Variants in HSH2D observed in about 807,000 individuals in gnomAD.
HSH2D encodes the protein hematopoietic SH2 domain-containing protein.
HSH2D carries 16 observed loss-of-function variants against 21.5 expected under a neutral mutation model. The ratio of observed to expected loss-of-function variants is 0.74; its 90% CI spans 0.50 to 1.13. The LOEUF is 1.13. HSH2D is among the 50% of genes most tolerant of loss of function. HSH2D has a pLI of 0.00. For synonymous variants in HSH2D, 172 were observed against 184.7 expected, an observed-to-expected ratio of 0.93 and a Z score of 0.56; for missense variants, 418 against 441.4, an observed-to-expected ratio of 0.95 and a Z score of 0.47.
chr19:16,145,814 G>A (rs912868250), intron 1 of HSH2D, among the ~76,000 whole-genome samples: 8 of 152,228 alleles, frequency 5.3e-5, no homozygotes, highest in South Asian at 2.1e-4. Flanking sequence ...AGTGGCTCAC[G>A]CCTGTAATCC....
At chr19:16,152,183 C>G (rs1466725987) in intron 2 of HSH2D, among the ~76,000 whole-genome samples, 1 of 149,276 alleles carries the variant, frequency 6.7e-6, no homozygotes, top group Non-Finnish European at 1.5e-5. Context: ...TTTGGGAGGC[C>G]GAGGTGGGCG....
intron 1 of HSH2D, among the ~76,000 whole-genome samples, chr19:16,144,151 T>C (rs1320360398): frequency 6.6e-6 from 1 of 151,946 alleles, no homozygotes; most frequent in Admixed American, 6.6e-5. Context: ...CAAAGACCCT[T>C]GCACCCTCCT....
chr19:16,154,481 C>T lies in HSH2D; in HGVS notation c.464C>T (p.Ala155Val), dbSNP rs892920227. 1.3e-6 allele frequency: 2 copies of T among 1,550,650 alleles called. No individual in the cohort carries two copies. The highest frequency in any genetic ancestry group is 2.0e-5 in the Admixed American group (1 of 51,014). ...GAGGAAGCTGCCTGCCCGGTGTCTG[C>T]CCCTGAGGAGGTATGTATATGACAG... ...VAEEAACPVSAPEEASPKPVL... is the reference protein window; with the variant it reads ...VAEEAACPVSVPEEASPKPVL... The change falls in exon 5 of 6, where the codon GCC becomes GTC. Residue 155 changes from alanine to valine, a missense_variant. Transcript: ENST00000613986.
At chr19:16,140,519 C>A (rs931909080), upstream of HSH2D, among the ~76,000 whole-genome samples, 1 of 151,802 alleles carries the variant, frequency 6.6e-6, no homozygotes, top group African/African-American at 2.4e-5. Flanking sequence ...GCAGGAGAAT[C>A]GCTTGAACCC....
chr19:16,137,166 G>T (rs1343018380), intron 1 of HSH2D, among the ~76,000 whole-genome samples: 1 of 152,070 alleles, frequency 6.6e-6, no homozygotes, highest in South Asian at 2.1e-4. Context: ...TGCAAAATAG[G>T]GGGGATCATA....
chr19:16,150,157 C>T (rs763527628), intron 2 of HSH2D, among the ~76,000 whole-genome samples: 6 of 152,186 alleles, frequency 3.9e-5, no homozygotes, highest in Non-Finnish European at 8.8e-5. Context: ...TACCTTTAAT[C>T]CCAGCTACTT....
At chr19:16,139,021 C>T (rs1051565250), upstream of HSH2D, among the ~76,000 whole-genome samples, 2 of 152,162 alleles carry the variant, frequency 1.3e-5, no homozygotes, top group African/African-American at 4.8e-5. Context: ...CTACGCCCAA[C>T]TAATTTTTGT....
intron 5 of HSH2D, among the ~76,000 whole-genome samples, chr19:16,156,027 A>G (rs377160789): frequency 2.0e-4 from 30 of 152,042 alleles, no homozygotes; most frequent in African/African-American, 6.7e-4. Context: ...TCAAGGTGGG[A>G]GGGACAAAAA....
chr19:16,157,832 G>A lies in HSH2D; in HGVS notation c.*38G>A, dbSNP rs1460617693. 1 of 1,430,808 alleles carries A rather than the reference G, an allele frequency of 7.0e-7. No individual in the cohort carries two copies. The highest frequency in any genetic ancestry group is 9.4e-7 in the Non-Finnish European group (1 of 1,063,756). 88.6% of individuals were successfully genotyped at this position (1,430,808 alleles called of 1,614,324 possible). On this transcript the variant is annotated 3_prime_UTR_variant, in exon 6 of 6. Coordinates refer to ENST00000613986, the MANE Select transcript of HSH2D (RefSeq NM_001382417.1). The surrounding 1 kb of genome is among the most constrained non-coding windows in gnomAD (Gnocchi z 4.4). ...CCCTGGCTCTGGGACTCGCTGCCAG[G>A]GGCTGCCACACTCCTGAATGCCTTA...
At position 16,153,214 on chromosome 19, in the gene HSH2D, G is replaced by A. The variant is rs761605157; in HGVS notation, c.381+6G>A. The stretch of plus-strand genomic sequence containing the variant: ...TGACACAGCCCTGCAGGCAGGTGAG[G>A]GCGGGGACCCACAAGGTTCACAGCC... On this transcript the variant is annotated splice_donor_region_variant and intron_variant, in intron 4 of 5. Coordinates refer to ENST00000613986, the MANE Select transcript of HSH2D (RefSeq NM_001382417.1). The A allele has an allele frequency of 1.3e-6, 2 of 1,515,656 alleles. No individual in the cohort carries two copies. Among genetic ancestry groups the A allele is most frequent in the Non-Finnish European group, 1.8e-6 (2 of 1,133,930 alleles). The allele number at this position is 1,515,656 out of a possible 1,614,324, so 93.9% of individuals were successfully genotyped here. A position where few individuals can be genotyped will look rare whatever the true frequency, so the allele number is the denominator to read the frequency against.
upstream of HSH2D, among the ~76,000 whole-genome samples, chr19:16,138,852 C>T (rs183742345): frequency 4.4e-4 from 67 of 151,748 alleles, 1 homozygote; most frequent in Middle Eastern, 3.4e-3. Flanking sequence ...GGGTGGGGAC[C>T]ATGCCAATCT....
At chr19:16,151,099 G>A (rs1413765050) in intron 2 of HSH2D, among the ~76,000 whole-genome samples, 6 of 152,004 alleles carry the variant, frequency 3.9e-5, no homozygotes, top group Non-Finnish European at 7.4e-5. Flanking sequence ...CGAGGCGGGC[G>A]GATCACCAGA....
At chr19:16,141,168 A>G (rs2090997190), upstream of HSH2D, among the ~76,000 whole-genome samples, 1 of 152,250 alleles carries the variant, frequency 6.6e-6, no homozygotes, top group African/African-American at 2.4e-5. Context: ...AGAGAGGCTG[A>G]GCAACTCACC....
At chr19:16,153,712 G>C (rs906530231) in intron 4 of HSH2D, among the ~76,000 whole-genome samples, 1 of 151,604 alleles carries the variant, frequency 6.6e-6, no homozygotes, top group African/African-American at 2.4e-5. Context: ...TTCCTTAGAA[G>C]GCTCAGTGGG....
At position 16,148,404 on chromosome 19, in the gene HSH2D, T is replaced by G. The variant is rs976143407; in HGVS notation, c.-27-320T>G. Among the ~76,000 whole-genome samples, 6 of 151,916 alleles carry G rather than the reference T, an allele frequency of 3.9e-5. No homozygotes were observed. The East Asian group carries it at 1.2e-3, about 30-fold the overall frequency. ...CCTCAGGTGATCTACCCACCTTGGC[T>G]TCCCAAAGTGCTGAGATTACAGGCG... On this transcript the variant is annotated intron_variant, in intron 1 of 5. Coordinates refer to ENST00000613986, the MANE Select transcript of HSH2D (RefSeq NM_001382417.1).
At chr19:16,145,745 A>G (rs1424572380) in intron 1 of HSH2D, among the ~76,000 whole-genome samples, 1 of 151,890 alleles carries the variant, frequency 6.6e-6, no homozygotes, top group Non-Finnish European at 1.5e-5. Flanking sequence ...GATGGGGCCA[A>G]TGGGTGGAGG....
chr19:16,143,794 C>A lies in HSH2D; in HGVS notation c.-28+20C>A. ...TCCCAGGTATGTGACCCAAGAGCCT[C>A]AGCCCTCGAGGAGACAGAACGTGGG... On this transcript the variant is annotated intron_variant, in intron 1 of 5. Coordinates refer to ENST00000613986, the MANE Select transcript of HSH2D (RefSeq NM_001382417.1). The A allele has an allele frequency of 2.3e-6, 1 of 436,788 alleles. No homozygotes were observed. Among genetic ancestry groups the A allele is most frequent in the Non-Finnish European group, 4.6e-6 (1 of 215,302 alleles). The allele number at this position is 436,788 out of a possible 1,614,324, so 27.1% of individuals were successfully genotyped here. A position where few individuals can be genotyped will look rare whatever the true frequency, so the allele number is the denominator to read the frequency against.
intron 1 of HSH2D, among the ~76,000 whole-genome samples, chr19:16,147,133 C>A (rs897505374): frequency 1.3e-5 from 2 of 151,936 alleles, no homozygotes. Flanking sequence ...GCTCTAAATA[C>A]TCTATTCTTA....
rs34993884 is a variant in HSH2D at position 16,145,037 on chromosome 19, G to GTT, written c.-28+1279_-28+1280dup. Among the ~76,000 whole-genome samples, 227 of 119,442 alleles carry GTT rather than the reference G, an allele frequency of 1.9e-3. 2 individuals carry two copies. The highest frequency in any genetic ancestry group is 4.6e-3 in the African/African-American group (140 of 30,178). The allele number at this position is 119,442 out of a possible 152,430, so 78.4% of individuals were successfully genotyped here. On this transcript the variant is annotated intron_variant, in intron 1 of 5. Coordinates refer to ENST00000613986, the MANE Select transcript of HSH2D (RefSeq NM_001382417.1). ...GGTGGTGATGGGTTTTTTTTTTGGGGTTTTTTTTTTTTTTTTTGTGAGACA... is the reference window on the plus strand; with the variant it reads ...GGTGGTGATGGGTTTTTTTTTTGGGGTTTTTTTTTTTTTTTTTTTGTGAGACA...
Sources: gnomAD v4.1 joint callset for allele counts (sites outside exome capture counted in the v4.1 genomes callset) on GRCh38, gnomAD v4.1.1 for gene constraint, Gnocchi (gnomAD v3.1) non-coding constraint, MANE v1.5 for transcripts, NCBI Gene and HGNC (gene_info 2026-07-23, HGNC 2026-07-21) for gene names.